Variants in CA8 observed in about 807,000 individuals in gnomAD.
CA8 encodes the protein carbonic anhydrase 8 (inactive), also known as carbonic anhydrase-related protein.
In CA8, 22 loss-of-function variants were observed where a neutral mutation model predicts 41.4. The ratio of observed to expected loss-of-function variants is 0.53; its 90% CI spans 0.38 to 0.76. The LOEUF (loss-of-function observed/expected upper bound fraction) is 0.76, where lower values mean the gene tolerates loss of function less well. CA8 is among the 30% of genes least tolerant of loss of function. CA8 has a pLI of 0.00. For synonymous variants in CA8, 121 were observed against 130.6 expected (o/e 0.93, Z 0.50); for missense variants, 270 against 352.8 (o/e 0.77, Z 1.88).
intron 4 of CA8, among the ~76,000 whole-genome samples, chr8:60,227,397 G>A (rs1340501208): frequency 6.6e-6 from 1 of 152,046 alleles, no homozygotes; most frequent in Non-Finnish European, 1.5e-5. Context: ...TCTACTAAAG[G>A]TAATTAAAGT....
intron 7 of CA8, among the ~76,000 whole-genome samples, chr8:60,211,417 C>T (rs1000449865): frequency 3.3e-5 from 5 of 152,200 alleles, no homozygotes; most frequent in Non-Finnish European, 5.9e-5. Context: ...TACTTAATAC[C>T]TGCAACCTGA....
Position 60,241,173 on chromosome 8 carries a change from C to T in CA8, c.418-8794G>A, listed in dbSNP as rs541000831. Among the ~76,000 whole-genome samples the T allele has an allele frequency of 3.0e-4, 46 of 152,308 alleles. 1 individual carries two copies. The South Asian group carries it at 7.5e-3, about 25-fold the overall frequency. On this transcript the variant is annotated intron_variant, in intron 3 of 8. Transcript: ENST00000317995. ...AAGTCATCACTGTCAATATATTATG[C>T]TGCTATTATTCAGAGAAGGACGTTC...
chr8:60,249,545 T>C (rs1345305298), intron 3 of CA8, among the ~76,000 whole-genome samples: 3 of 152,234 alleles, frequency 2.0e-5, no homozygotes, highest in Admixed American at 6.5e-5. Context: ...AATCCAAATG[T>C]TGGCTTCTGA....
Position 60,232,319 on chromosome 8 carries a change from G to A in CA8, c.478C>T (p.Pro160Ser), listed in dbSNP as rs1166214984. The change falls in exon 4 of 9, where the codon CCG becomes TCG. Residue 160 changes from proline (P) to serine (S), a missense_variant. Physicochemically the swap from Pro to Ser is moderately conservative, Grantham distance 74. Coordinates refer to ENST00000317995, the MANE Select transcript of CA8 (RefSeq NM_004056.6). ...AGAGCAATGATGGCGATTCCGTGCG[G>A]CTTCCCCACAGCCTCATCAATGCTG... ...FGSIDEAVGK[P>S]HGIAIIALFV... 3.1e-6 allele frequency: 5 copies of A among 1,614,072 alleles called. No homozygotes were observed. In the South Asian group the frequency reaches 4.4e-5, roughly 14 times the overall value.
At chr8:60,212,804 C>T (rs1806883028) in intron 7 of CA8, among the ~76,000 whole-genome samples, 1 of 152,044 alleles carries the variant, frequency 6.6e-6, no homozygotes, top group Admixed American at 6.6e-5. Flanking sequence ...AGCGTTCTGA[C>T]CCAGTAAAAT....
intron 8 of CA8, among the ~76,000 whole-genome samples, chr8:60,205,759 T>G (rs1159647919): frequency 6.6e-6 from 1 of 152,194 alleles, no homozygotes; most frequent in Admixed American, 6.5e-5. Flanking sequence ...AGACATGTCA[T>G]TTTTTTAAAA....
rs562346052 is a variant in CA8 at position 60,269,250 on chromosome 8, AAAAC to A, written c.293-3205_293-3202del. On this transcript the variant is annotated intron_variant, in intron 2 of 8. Transcript: ENST00000317995. Reference sequence around the variant, plus strand: ...TACTGCTTACATTTTTTTAAATAAAAAAACAAATCATCTCAGAAGGGGTAGCCTT... The same window carrying A: ...TACTGCTTACATTTTTTTAAATAAAAAAATCATCTCAGAAGGGGTAGCCTT... 6.6e-5 allele frequency among the ~76,000 whole-genome samples: 10 copies of A among 152,156 alleles called. No individual in the cohort carries two copies. In the South Asian group the frequency reaches 2.1e-3, roughly 32 times the overall value.
At position 60,279,879 on chromosome 8, in the gene CA8, A is replaced by G; in HGVS notation, c.102T>C (p.Gly34=). The G allele has an allele frequency of 4.4e-6, 7 of 1,607,746 alleles. No individual in the cohort carries two copies. Among genetic ancestry groups the G allele is most frequent in the Non-Finnish European group, 5.9e-6 (7 of 1,176,860 alleles). Residue 34 remains glycine, a splice_region_variant and synonymous_variant, in exon 2 of 9, where the codon GGT becomes GGC. Transcript: ENST00000317995. ...CAGGAAACACCAGACCCCACTCAAC[A>G]CCTAAGAACAAAATGAAATAAATTA... ...EEGVEWGYEE[G]VEWGLVFPDA...
intron 7 of CA8, among the ~76,000 whole-genome samples, chr8:60,209,490 A>T (rs1806758323): frequency 6.6e-6 from 1 of 152,224 alleles, no homozygotes; most frequent in Non-Finnish European, 1.5e-5. Context: ...ATCTCCAAAA[A>T]ACAATGATAC....
intron 3 of CA8, among the ~76,000 whole-genome samples, chr8:60,243,284 C>T (rs1285211704): frequency 6.6e-6 from 1 of 152,102 alleles, no homozygotes; most frequent in Non-Finnish European, 1.5e-5. Context: ...TTCCTCCCTC[C>T]TCCTCTTTTC....
intron 3 of CA8, among the ~76,000 whole-genome samples, chr8:60,234,702 C>T (rs377523574): frequency 6.6e-6 from 1 of 152,184 alleles, no homozygotes. Flanking sequence ...AGCTCTCCCA[C>T]GCATCCTTCA....
chr8:60,221,502 C>A (rs1019500212), intron 7 of CA8, among the ~76,000 whole-genome samples: 25 of 152,146 alleles, frequency 1.6e-4, no homozygotes, highest in African/African-American at 6.0e-4. Context: ...GCAGCATATA[C>A]CCCTGTTCAG....
chr8:60,259,899 TA>T (rs146218085), intron 3 of CA8, among the ~76,000 whole-genome samples: 4,866 of 152,226 alleles, frequency 0.032, 177 homozygotes, highest in African/African-American at 0.088. Context: ...ATCATCATAA[TA>T]ATTATTACAT....
chr8:60,213,865 C>A (rs1806925208), intron 7 of CA8, among the ~76,000 whole-genome samples: 1 of 152,018 alleles, frequency 6.6e-6, no homozygotes, highest in Admixed American at 6.5e-5. Flanking sequence ...TTCACACGCA[C>A]CTTCAGGACC....
chr8:60,206,606 A>G (rs79297258), intron 8 of CA8, among the ~76,000 whole-genome samples: 1 of 142,818 alleles, frequency 7.0e-6, no homozygotes, highest in African/African-American at 2.7e-5. Context: ...CTGTGAACAC[A>G]TCCTTCCCTC....
intron 7 of CA8, among the ~76,000 whole-genome samples, chr8:60,215,168 A>G (rs974859282): frequency 6.6e-6 from 1 of 152,176 alleles, no homozygotes; most frequent in Non-Finnish European, 1.5e-5. Context: ...AATATGTCTT[A>G]AAATTTCTGT....
intron 8 of CA8, among the ~76,000 whole-genome samples, chr8:60,190,431 GAATATATATA>G (rs1806084731): frequency 1.4e-5 from 1 of 69,180 alleles, no homozygotes; most frequent in Non-Finnish European, 2.7e-5. Context: ...AATAAATGCA[GAATATATATA>G]TATATATATA....
At chr8:60,241,195 G>A (rs1808016461) in intron 3 of CA8, among the ~76,000 whole-genome samples, 1 of 152,210 alleles carries the variant, frequency 6.6e-6, no homozygotes, top group African/African-American at 2.4e-5. Context: ...AGAGAAGGAC[G>A]TTCAAGGTGT....
intron 7 of CA8, among the ~76,000 whole-genome samples, chr8:60,220,116 G>C (rs1428413315): frequency 2.0e-5 from 3 of 151,988 alleles, no homozygotes; most frequent in Admixed American, 2.0e-4. Flanking sequence ...TGGCCTAACT[G>C]GCGATTATAG....
Sources: gnomAD v4.1 joint callset for allele counts (sites outside exome capture counted in the v4.1 genomes callset) on GRCh38, gnomAD v4.1.1 for gene constraint, MANE v1.5 for transcripts, NCBI Gene and HGNC (gene_info 2026-07-23, HGNC 2026-07-21) for gene names.